Variants in FBXO22 observed in about 807,000 individuals in gnomAD.
The protein encoded by FBXO22 is F-box protein 22.
In FBXO22, 13 loss-of-function variants were observed where a neutral mutation model predicts 37.2. That is an observed-to-expected ratio of 0.35 (90% CI 0.23 to 0.56). The LOEUF (loss-of-function observed/expected upper bound fraction) is 0.56, where lower values mean the gene tolerates loss of function less well. Ranked by LOEUF, FBXO22 falls within the 20% of genes least tolerant of loss-of-function variation. The pLI is 0.87. For missense variants in FBXO22, 446 were observed against 509.9 expected (o/e 0.87, Z 1.21); for synonymous variants, 189 against 189.1 (o/e 1.00, Z 0.00).
rs1377869208 is a variant in FBXO22, at chr15:75,904,067, C to T, written c.104C>T (p.Thr35Ile). Residue 35 changes from threonine (T) to isoleucine (I), a missense_variant, in exon 1 of 7, where the codon ACC becomes ATC. By Grantham distance (89) the Thr-to-Ile change is moderately conservative (BLOSUM62 -1). Coordinates refer to ENST00000308275, the MANE Select transcript of FBXO22 (RefSeq NM_147188.3). The stretch of plus-strand genomic sequence containing the variant: ...GCGGAGGTGGTGGAGCGTGTGCTCA[C>T]CTTCCTGCCCGCCAAGGCGTTGCTG... ...NLAEVVERVL[T>I]FLPAKALLRV... The T allele has an allele frequency of 3.9e-6, 6 of 1,552,000 alleles. No homozygotes were observed. The African/African-American group carries it at 6.8e-5, about 18-fold the overall frequency.
intron 1 of FBXO22, 150 bp downstream of exon 1, chr15:75,904,253 G>T (rs571778932): frequency 3.4e-5 from 41 of 1,213,234 alleles, no homozygotes; most frequent in Non-Finnish European, 4.6e-5. Flanking sequence ...TACCCGCGAG[G>T]TATCTCCCAG....
chr15:75,928,403 T>TA (rs1464854016), intron 5 of FBXO22, among the ~76,000 whole-genome samples: 1 of 152,058 alleles, frequency 6.6e-6, no homozygotes, highest in Admixed American at 6.6e-5. Flanking sequence ...TATGCAGCCA[T>TA]AAAAAAGAAT....
At chr15:75,915,643 T>C (rs1184193929) in intron 4 of FBXO22, among the ~76,000 whole-genome samples, 3 of 152,000 alleles carry the variant, frequency 2.0e-5, no homozygotes, top group African/African-American at 7.2e-5. Flanking sequence ...GGCTCACGTC[T>C]GTGGTCCCAG....
intron 5 of FBXO22, among the ~76,000 whole-genome samples, chr15:75,925,100 T>C (rs1481393528): frequency 6.6e-6 from 1 of 152,170 alleles, no homozygotes; most frequent in African/African-American, 2.4e-5. Flanking sequence ...TCCTGTGTTT[T>C]CCATAGCTCA....
Position 75,934,407 on chromosome 15 carries a change from AGT to A in FBXO22, c.*1306_*1307del. The stretch of plus-strand genomic sequence containing the variant: ...GAAATTAGCATATTCCATCTAATAC[AGT>A]ATGATGTAACTAATGTTACTTTTGT... On this transcript the variant is annotated 3_prime_UTR_variant, in exon 7 of 7. Transcript: ENST00000308275. 6.6e-6 allele frequency: 1 copy of A among 152,266 alleles called. No homozygotes were observed. The highest frequency in any genetic ancestry group is 2.4e-5 in the African/African-American group (1 of 41,474). The allele number at this position is 152,266 out of a possible 1,614,324, so 9.4% of individuals were successfully genotyped here.
Position 75,934,419 on chromosome 15 carries a change from CTA to C in FBXO22, c.*1318_*1319del. The C allele has an allele frequency of 6.6e-6, 1 of 152,194 alleles. No individual in the cohort carries two copies. The highest frequency in any genetic ancestry group is 2.4e-5 in the African/African-American group (1 of 41,444). 9.4% of individuals were successfully genotyped at this position (152,194 alleles called of 1,614,324 possible). Reference sequence around the variant, plus strand: ...TTCCATCTAATACAGTATGATGTAACTAATGTTACTTTTGTAACAGTCAGTGG... The same window carrying C: ...TTCCATCTAATACAGTATGATGTAACATGTTACTTTTGTAACAGTCAGTGG... On this transcript the variant is annotated 3_prime_UTR_variant, in exon 7 of 7. Transcript: ENST00000308275.
At position 75,907,456 on chromosome 15, in the gene FBXO22, C is replaced by G. The variant is rs1002866569; in HGVS notation, c.279+2827C>G. Among the ~76,000 whole-genome samples the G allele has an allele frequency of 6.2e-4, 94 of 152,092 alleles. 1 individual carries two copies. The highest frequency in any genetic ancestry group is 2.2e-4 in the Non-Finnish European group (15 of 68,024). On this transcript the variant is annotated intron_variant, in intron 2 of 6. Transcript: ENST00000308275. ...TAGTAATGCCCTTAGAGGAGTTCCT[C>G]CATTGTAGTAAACTGCTGGTGAGAC...
Position 75,938,025 on chromosome 15 carries a change from G to T in FBXO22, c.*4923G>T, listed in dbSNP as rs936870309. On this transcript the variant is annotated 3_prime_UTR_variant, in exon 7 of 7. Transcript: ENST00000308275. ...GCATGCCCAGGGAAAACACTTGCCCGGAAAGTTCTAAGACCCAAGCTTTCA... is the reference window on the plus strand; with the variant it reads ...GCATGCCCAGGGAAAACACTTGCCCTGAAAGTTCTAAGACCCAAGCTTTCA... 3 of 152,204 alleles carry T rather than the reference G, an allele frequency of 2.0e-5. No homozygotes were observed. The highest frequency in any genetic ancestry group is 6.5e-5 in the Admixed American group (1 of 15,278). The allele number at this position is 152,204 out of a possible 1,614,324, so 9.4% of individuals were successfully genotyped here.
chr15:75,934,489 A>G lies in FBXO22; in HGVS notation c.*1387A>G, dbSNP rs1049725477. 4 of 152,330 alleles carry G rather than the reference A, an allele frequency of 2.6e-5. No individual in the cohort carries two copies. Among genetic ancestry groups the G allele is most frequent in the East Asian group, 3.9e-4 (2 of 5,186 alleles). 9.4% of individuals were successfully genotyped at this position (152,330 alleles called of 1,614,324 possible). A position where few individuals can be genotyped will look rare whatever the true frequency, so the allele number is the denominator to read the frequency against. ...GTAGAACACTTGCAAGGTAAGTAAA[A>G]CCAAATGTATTAGCATTATTCCTGC... is the stretch of plus-strand genomic sequence containing the variant. On this transcript the variant is annotated 3_prime_UTR_variant, in exon 7 of 7. Transcript: ENST00000308275.
At chr15:75,915,327 A>C (rs1197566974) in intron 4 of FBXO22, among the ~76,000 whole-genome samples, 1 of 152,154 alleles carries the variant, frequency 6.6e-6, no homozygotes, top group African/African-American at 2.4e-5. Flanking sequence ...GTCATTTTTA[A>C]TCTTCACTGA....
chr15:75,906,478 C>A (rs991301842), intron 2 of FBXO22, among the ~76,000 whole-genome samples: 8 of 152,120 alleles, frequency 5.3e-5, no homozygotes, highest in African/African-American at 1.9e-4. Context: ...CACACAGGTG[C>A]ATCCTTTTCG....
intron 2 of FBXO22, chr15:75,905,689 T>C (rs1385766868): frequency 6.6e-6 from 1 of 152,256 alleles, no homozygotes; most frequent in Non-Finnish European, 1.5e-5. Context: ...TCCTTTGATC[T>C]GGAACAGTTT....
chr15:75,915,769 G>A (rs570527480), intron 4 of FBXO22, among the ~76,000 whole-genome samples: 5 of 151,914 alleles, frequency 3.3e-5, no homozygotes, highest in Admixed American at 6.5e-5. Flanking sequence ...GCATGATGGC[G>A]GGCACCTGTA....
rs2030955687 is a variant in FBXO22, at chr15:75,941,551, A to C, written c.*8449A>C. On this transcript the variant is annotated 3_prime_UTR_variant, in exon 7 of 7. Transcript: ENST00000308275. ...ATACCCAACAGATGAATGGATAGAC[A>C]AAATGTGTTATATCCATACAATGGA... 6.6e-6 allele frequency: 1 copy of C among 152,234 alleles called. No individual in the cohort carries two copies. The allele number at this position is 152,234 out of a possible 1,614,324, so 9.4% of individuals were successfully genotyped here.
Position 75,933,283 on chromosome 15 carries a change from G to A in FBXO22, c.*181G>A. The A allele has an allele frequency of 1.7e-6, 1 of 578,500 alleles. No homozygotes were observed. Among genetic ancestry groups the A allele is most frequent in the Non-Finnish European group, 3.0e-6 (1 of 335,420 alleles). The allele number at this position is 578,500 out of a possible 1,614,324, so 35.8% of individuals were successfully genotyped here. On this transcript the variant is annotated 3_prime_UTR_variant, in exon 7 of 7. Coordinates refer to ENST00000308275, the MANE Select transcript of FBXO22 (RefSeq NM_147188.3). The stretch of plus-strand genomic sequence containing the variant: ...ATATATTAGATGAAGGACAACTTTG[G>A]ACATAACACTGACTAGGAGTTGAGA...
At chr15:75,906,046 G>A (rs1899922825) in intron 2 of FBXO22, among the ~76,000 whole-genome samples, 1 of 152,000 alleles carries the variant, frequency 6.6e-6, no homozygotes, top group South Asian at 2.1e-4. Context: ...TTAATTCAGT[G>A]GGATATAATC....
chr15:75,904,202 G>A, intron 1 of FBXO22, 99 bp downstream of exon 1: 1 of 1,408,100 alleles, frequency 7.1e-7, no homozygotes, highest in East Asian at 2.6e-5. Flanking sequence ...GGACCCACCA[G>A]GGCCGTCCCC....
Position 75,913,266 on chromosome 15 carries a change from G to A in FBXO22, c.343G>A (p.Glu115Lys), listed in dbSNP as rs750445838. 6.2e-6 allele frequency: 10 copies of A among 1,610,356 alleles called. No homozygotes were observed. The highest frequency in any genetic ancestry group is 8.5e-6 in the Non-Finnish European group (10 of 1,178,292). ...TGATTCAGAAACTTTCATTAGTCTG[G>A]AAGAGTGTCGTGGCCATAAGAGAGG... Reference protein sequence around the residue: ...MADSETFISLEECRGHKRARK... With the variant: ...MADSETFISLKECRGHKRARK... Residue 115 changes from glutamate to lysine, a missense_variant, in exon 3 of 7, where the codon GAA becomes AAA. Physicochemically the swap from Glu to Lys is moderately conservative, Grantham distance 56. Transcript: ENST00000308275.
At chr15:75,927,673 T>C (rs1900473093) in intron 5 of FBXO22, among the ~76,000 whole-genome samples, 1 of 152,200 alleles carries the variant, frequency 6.6e-6, no homozygotes, top group Non-Finnish European at 1.5e-5. Flanking sequence ...TGGTTTGGGG[T>C]ATATGATGTC....
Sources: allele counts gnomAD v4.1 joint callset (sites outside exome capture counted in the v4.1 genomes callset), GRCh38; gene constraint gnomAD v4.1.1; transcripts MANE v1.5; gene names NCBI Gene and HGNC (gene_info 2026-07-23, HGNC 2026-07-21).